The following CMSS1 variants were observed in gnomAD, a reference collection of about 807,000 sequenced individuals.
The protein encoded by CMSS1 is cms1 ribosomal small subunit homolog.
Under a neutral mutation model 43.5 loss-of-function variants are expected in CMSS1, and 33 were observed. The ratio of observed to expected loss-of-function variants is 0.76; its 90% confidence interval spans 0.57 to 1.01. CMSS1 has a LOEUF of 1.01. Ranked by LOEUF, CMSS1 falls within the 50% of genes least tolerant of loss-of-function variation. CMSS1 has a pLI of 0.00. For missense variants in CMSS1, 313 were observed against 326.4 expected (o/e 0.96, Z 0.32); for synonymous variants, 115 against 117.2 (o/e 0.98, Z 0.12).
chr3:99,920,869 C>T (rs1320327938), intron 1 of CMSS1, among the ~76,000 whole-genome samples: 1 of 152,188 alleles, frequency 6.6e-6, no homozygotes, highest in East Asian at 1.9e-4. Context: ...CTACCTCAAT[C>T]ACGTAGTTCT....
rs573664783 is a variant in CMSS1 at position 99,903,275 on chromosome 3, G to A, written c.64+85232G>A. 9.4e-3 allele frequency among the ~76,000 whole-genome samples: 1,407 copies of A among 150,208 alleles called. 25 individuals carry two copies. Among genetic ancestry groups the A allele is most frequent in the Admixed American group, 0.044 (671 of 15,118 alleles). On this transcript the variant is annotated intron_variant, in intron 1 of 9. Transcript: ENST00000421999. ...ATATGCATGTTTTTTTTTTTGAGAC[G>A]GAATCTCGCTCTGTCACCCAGGCTG...
chr3:100,114,622 A>T lies in CMSS1; in HGVS notation c.65-32351A>T, dbSNP rs547256722. On this transcript the variant is annotated intron_variant, in intron 1 of 9. Coordinates refer to ENST00000421999, the MANE Select transcript of CMSS1 (RefSeq NM_032359.4). ...CACCCTCTTAGGTAATTTTAAATTC[A>T]TGTGCACATCTTGGCTGAGAGTAGA... The T allele has an allele frequency of 1.6e-3, 318 of 198,296 alleles. 1 individual carries two copies. Among genetic ancestry groups the T allele is most frequent in the Non-Finnish European group, 2.7e-3 (260 of 97,872 alleles). 12.3% of individuals were successfully genotyped at this position (198,296 alleles called of 1,614,324 possible).
rs542780341 is a variant in CMSS1 at position 100,095,140 on chromosome 3, T to TA, written c.65-51827dup. On this transcript the variant is annotated intron_variant, in intron 1 of 9. Transcript: ENST00000421999. The stretch of plus-strand genomic sequence containing the variant: ...TACATACAGTCTTGATTACTATAGT[T>TA]AAAAAAGTCTTGAAATAGGTACACT... Among the ~76,000 whole-genome samples the TA allele has an allele frequency of 7.5e-3, 1,149 of 152,292 alleles. 5 individuals carry two copies. The highest frequency in any genetic ancestry group is 0.011 in the African/African-American group (465 of 41,558).
chr3:100,115,010 A>G (rs1322885365), intron 1 of CMSS1: 3 of 1,498,826 alleles, frequency 2.0e-6, no homozygotes, highest in Admixed American at 3.9e-5. Flanking sequence ...TATGTTTATT[A>G]TTATTATTTG....
At chr3:99,950,223 T>G (rs1157370321) in intron 1 of CMSS1, among the ~76,000 whole-genome samples, 2 of 152,198 alleles carry the variant, frequency 1.3e-5, no homozygotes, top group Non-Finnish European at 2.9e-5. Context: ...CTTGCCCTGG[T>G]TTCTCTGTGT....
intron 1 of CMSS1, among the ~76,000 whole-genome samples, chr3:100,007,095 G>A (rs758518667): frequency 4.6e-5 from 7 of 152,144 alleles, no homozygotes; most frequent in East Asian, 3.9e-4. Context: ...TTTCTGACTC[G>A]CTTTTTCTTG....
At chr3:100,009,628 A>AC (rs995791062) in intron 1 of CMSS1, among the ~76,000 whole-genome samples, 41 of 152,334 alleles carry the variant, frequency 2.7e-4, no homozygotes, top group African/African-American at 9.6e-4. Context: ...GAAAATAAAA[A>AC]AGCAAACAGC....
chr3:100,152,815 CCCTTT>C (rs1414048780), intron 2 of CMSS1, among the ~76,000 whole-genome samples: 1 of 152,160 alleles, frequency 6.6e-6, no homozygotes, highest in African/African-American at 2.4e-5. Flanking sequence ...AACAAAGAGC[CCCTTT>C]CCTTTAGTTT....
intron 2 of CMSS1, among the ~76,000 whole-genome samples, chr3:100,152,894 G>C (rs1002027082): frequency 6.6e-6 from 1 of 152,140 alleles, no homozygotes; most frequent in African/African-American, 2.4e-5. Context: ...AAATTTCATA[G>C]TGTTGTTCAA....
intron 1 of CMSS1, among the ~76,000 whole-genome samples, chr3:99,985,251 G>GC (rs1283666512): frequency 2.0e-5 from 3 of 152,142 alleles, no homozygotes; most frequent in Admixed American, 6.5e-5. Flanking sequence ...GTGATCTAGG[G>GC]CCCATCATGG....
At chr3:100,039,455 C>T (rs1310191492) in intron 1 of CMSS1, among the ~76,000 whole-genome samples, 1 of 152,064 alleles carries the variant, frequency 6.6e-6, no homozygotes, top group Non-Finnish European at 1.5e-5. Flanking sequence ...AAAATACCAA[C>T]TTGGTTTAAT....
chr3:100,148,031 T>G (rs1018312574), intron 2 of CMSS1, among the ~76,000 whole-genome samples: 1 of 152,200 alleles, frequency 6.6e-6, no homozygotes, highest in African/African-American at 2.4e-5. Flanking sequence ...CCTTTTAATT[T>G]TAAAAAATTA....
intron 6 of CMSS1, among the ~76,000 whole-genome samples, 193 bp from the exon 7 acceptor site, chr3:100,171,646 T>C (rs533286255): frequency 6.6e-6 from 1 of 152,322 alleles, no homozygotes; most frequent in South Asian, 2.1e-4. Context: ...GATATGTGCC[T>C]GAATAAAAGG....
intron 1 of CMSS1, among the ~76,000 whole-genome samples, chr3:100,024,224 C>T (rs897149893): frequency 6.6e-6 from 1 of 152,164 alleles, no homozygotes; most frequent in Non-Finnish European, 1.5e-5. Flanking sequence ...CTCCCTTTCC[C>T]ATTGCAGTAG....
intron 1 of CMSS1, among the ~76,000 whole-genome samples, chr3:99,840,568 T>G (rs1943090832): frequency 6.6e-6 from 1 of 152,158 alleles, no homozygotes; most frequent in Non-Finnish European, 1.5e-5. Context: ...TTTTGACATC[T>G]GTAAGTGGAA....
At chr3:99,820,063 T>G (rs1050985545) in intron 1 of CMSS1, among the ~76,000 whole-genome samples, 2 of 151,966 alleles carry the variant, frequency 1.3e-5, no homozygotes, top group Non-Finnish European at 2.9e-5. Context: ...CCCAACAGTT[T>G]TAAACACTGA....
At chr3:100,175,984 C>T (rs2067145166) in intron 8 of CMSS1, among the ~76,000 whole-genome samples, 1 of 152,178 alleles carries the variant, frequency 6.6e-6, no homozygotes, top group Non-Finnish European at 1.5e-5. Context: ...GCAACTACCC[C>T]AAACTGCGGG....
chr3:99,896,882 A>C (rs1203836847), intron 1 of CMSS1, among the ~76,000 whole-genome samples: 1 of 152,228 alleles, frequency 6.6e-6, no homozygotes, highest in African/African-American at 2.4e-5. Context: ...AAATCAGTGT[A>C]TACAACGGGT....
At chr3:99,940,723 C>G (rs1707826516) in intron 1 of CMSS1, among the ~76,000 whole-genome samples, 1 of 152,218 alleles carries the variant, frequency 6.6e-6, no homozygotes. Flanking sequence ...TTTTTGTGAA[C>G]CATCTTCCTC....
Sources: gnomAD v4.1 joint callset for allele counts (sites outside exome capture counted in the v4.1 genomes callset) on GRCh38, gnomAD v4.1.1 for gene constraint, MANE v1.5 for transcripts, NCBI Gene and HGNC (gene_info 2026-07-23, HGNC 2026-07-21) for gene names.